CDYL2: variants seen among roughly 807,000 people sequenced by gnomAD.
The protein encoded by CDYL2 is chromodomain Y like 2, also known as chromodomain Y-like protein 2.
A neutral mutation model predicts 49.4 loss-of-function variants in CDYL2; 23 were observed. That is an observed-to-expected ratio of 0.47 (90% CI 0.34 to 0.66). CDYL2 has a LOEUF of 0.66. CDYL2 is among the 30% of genes least tolerant of loss of function. The pLI is 0.01. For missense variants in CDYL2, 678 were observed against 656.4 expected, an observed-to-expected ratio of 1.03 and a Z score of -0.36; for synonymous variants, 360 against 268.8, an observed-to-expected ratio of 1.34 and a Z score of -3.32.
At chr16:80,701,471 T>A (rs921754640) in intron 1 of CDYL2, among the ~76,000 whole-genome samples, 4 of 152,218 alleles carry the variant, frequency 2.6e-5, no homozygotes, top group African/African-American at 7.2e-5. Context: ...AAATATTTTT[T>A]AAATTAATTT....
intron 2 of CDYL2, among the ~76,000 whole-genome samples, chr16:80,638,741 C>A (rs1907950681): frequency 6.6e-6 from 1 of 151,770 alleles, no homozygotes; most frequent in African/African-American, 2.4e-5. Flanking sequence ...TTTTTCTCAA[C>A]AAATTGTACT....
At chr16:80,757,809 G>C (rs1906366388) in intron 1 of CDYL2, among the ~76,000 whole-genome samples, 1 of 151,858 alleles carries the variant, frequency 6.6e-6, no homozygotes, top group Non-Finnish European at 1.5e-5. Context: ...TTAGACCTAG[G>C]TAAATTAGAG....
chr16:80,704,070 G>A (rs1904326818), intron 1 of CDYL2, among the ~76,000 whole-genome samples: 1 of 152,214 alleles, frequency 6.6e-6, no homozygotes, highest in African/African-American at 2.4e-5. Context: ...TACCTGAGTA[G>A]AGCAAAATGT....
intron 1 of CDYL2, among the ~76,000 whole-genome samples, chr16:80,715,665 T>C (rs1904773840): frequency 6.6e-6 from 1 of 152,144 alleles, no homozygotes; most frequent in East Asian, 1.9e-4. Context: ...TCCCTCTCCC[T>C]GTTTAAAACC....
chr16:80,749,137 T>A (rs1906041510), intron 1 of CDYL2, among the ~76,000 whole-genome samples: 1 of 147,082 alleles, frequency 6.8e-6, no homozygotes, highest in South Asian at 2.3e-4. Context: ...TATGGGAGAT[T>A]GTTGTGTGTG....
chr16:80,646,755 C>A (rs1475491918), intron 2 of CDYL2, among the ~76,000 whole-genome samples: 1 of 152,068 alleles, frequency 6.6e-6, no homozygotes, highest in Non-Finnish European at 1.5e-5. Flanking sequence ...CGCCACTGCA[C>A]TCCAGCCTGG....
chr16:80,692,338 C>A (rs1330735139), intron 1 of CDYL2, among the ~76,000 whole-genome samples: 2 of 152,150 alleles, frequency 1.3e-5, no homozygotes, highest in African/African-American at 4.8e-5. Context: ...TGTTCCAGAA[C>A]ACCTGTTGAA....
chr16:80,745,497 C>T (rs1392410675), intron 1 of CDYL2, among the ~76,000 whole-genome samples: 2 of 152,168 alleles, frequency 1.3e-5, no homozygotes, highest in South Asian at 2.1e-4. Flanking sequence ...CTTTCTGTGC[C>T]TTCAATTCCT....
intron 2 of CDYL2, among the ~76,000 whole-genome samples, chr16:80,682,858 T>A (rs1910023639): frequency 6.6e-6 from 1 of 152,000 alleles, no homozygotes; most frequent in Non-Finnish European, 1.5e-5. Flanking sequence ...ACAAACAGCT[T>A]TTACATATGT....
At chr16:80,669,350 G>T (rs2142447774) in intron 2 of CDYL2, among the ~76,000 whole-genome samples, 1 of 152,226 alleles carries the variant, frequency 6.6e-6, no homozygotes, top group East Asian at 1.9e-4. Context: ...AGGCCCCACG[G>T]ACCATGGAAA....
Position 80,716,836 on chromosome 16 carries a change from T to C in CDYL2, c.25-31707A>G, listed in dbSNP as rs113238341. ...ATGAATGGCTGAATAGATGGATGAA[T>C]GGATAGATGATGTATGTAATGTATG... On this transcript the variant is annotated intron_variant, in intron 1 of 6. Transcript: ENST00000570137. 7.9e-3 allele frequency among the ~76,000 whole-genome samples: 1,191 copies of C among 150,170 alleles called. 21 individuals are homozygous for C. The highest frequency in any genetic ancestry group is 0.027 in the African/African-American group (1,111 of 40,548).
At chr16:80,616,644 T>C (rs1054523648) in intron 4 of CDYL2, among the ~76,000 whole-genome samples, 3 of 152,144 alleles carry the variant, frequency 2.0e-5, no homozygotes, top group African/African-American at 7.2e-5. Context: ...GAGAGGTCCC[T>C]GGCAGGCCAC....
intron 1 of CDYL2, among the ~76,000 whole-genome samples, chr16:80,771,565 T>C (rs972648432): frequency 2.6e-5 from 4 of 151,960 alleles, no homozygotes; most frequent in Middle Eastern, 3.4e-3. Context: ...ATTAGCCAGG[T>C]GTGGTGGTGC....
At chr16:80,775,239 G>A (rs985040221) in intron 1 of CDYL2, among the ~76,000 whole-genome samples, 1 of 151,530 alleles carries the variant, frequency 6.6e-6, no homozygotes, top group Non-Finnish European at 1.5e-5. Flanking sequence ...GAAGATATAA[G>A]TAAATTTATA....
At chr16:80,729,340 A>C (rs1293689189) in intron 1 of CDYL2, among the ~76,000 whole-genome samples, 2 of 152,174 alleles carry the variant, frequency 1.3e-5, no homozygotes, top group East Asian at 3.9e-4. Context: ...AACAAAGATC[A>C]AAAGAGACAA....
chr16:80,667,620 A>G (rs1909321840), intron 2 of CDYL2, among the ~76,000 whole-genome samples: 1 of 152,164 alleles, frequency 6.6e-6, no homozygotes, highest in Non-Finnish European at 1.5e-5. Flanking sequence ...CAGTCATTTT[A>G]TGAGTACTGG....
At chr16:80,648,974 G>C (rs957121246) in intron 2 of CDYL2, among the ~76,000 whole-genome samples, 4 of 152,020 alleles carry the variant, frequency 2.6e-5, no homozygotes, top group Non-Finnish European at 5.9e-5. Context: ...TAAAAAACTG[G>C]TATAGAAGGA....
chr16:80,759,945 G>A (rs780231841), intron 1 of CDYL2, among the ~76,000 whole-genome samples: 8 of 152,176 alleles, frequency 5.3e-5, no homozygotes, highest in Non-Finnish European at 1.2e-4. Flanking sequence ...AATGACTAGA[G>A]TTACTAGAAA....
At chr16:80,751,294 G>A (rs1906129258) in intron 1 of CDYL2, among the ~76,000 whole-genome samples, 1 of 152,324 alleles carries the variant, frequency 6.6e-6, no homozygotes, top group African/African-American at 2.4e-5. Context: ...TTCAAGAGCT[G>A]CCTTGGCAGC....
Sources: gnomAD v4.1 joint callset for allele counts (sites outside exome capture counted in the v4.1 genomes callset) on GRCh38, gnomAD v4.1.1 for gene constraint, MANE v1.5 for transcripts, NCBI Gene and HGNC (gene_info 2026-07-23, HGNC 2026-07-21) for gene names.